GSE1: variants seen among roughly 807,000 people sequenced by gnomAD.
GSE1 encodes Gse1 coiled-coil protein.
In GSE1, 32 loss-of-function variants were observed where a neutral mutation model predicts 112.6. The ratio of observed to expected loss-of-function variants is 0.28; its 90% confidence interval spans 0.21 to 0.38. The LOEUF is 0.38. Ranked by LOEUF, GSE1 falls within the 10% of genes least tolerant of loss-of-function variation. The pLI is 1.00. For synonymous variants in GSE1, 1,115 were observed against 735.6 expected (o/e 1.52, Z -8.35); for missense variants, 2,348 against 1,699.2 (o/e 1.38, Z -6.71).
chr16:85,635,507 T>A (rs1043117302), intron 2 of GSE1, among the ~76,000 whole-genome samples: 4 of 75,100 alleles, frequency 5.3e-5, no homozygotes, highest in Admixed American at 1.1e-4. Context: ...CATCCTGGAC[T>A]CTCTGGGGCG....
At chr16:85,499,124 A>G (rs2051276789) in intron 2 of GSE1, among the ~76,000 whole-genome samples, 2 of 149,726 alleles carry the variant, frequency 1.3e-5, no homozygotes, top group African/African-American at 4.9e-5. Flanking sequence ...GCCCCTTGGT[A>G]TCCCCTGAGT....
chr16:85,467,650 C>T (rs756060972), intron 2 of GSE1, among the ~76,000 whole-genome samples: 1 of 152,158 alleles, frequency 6.6e-6, no homozygotes, highest in Non-Finnish European at 1.5e-5. Context: ...CAAGAGAGGC[C>T]AGTAGAAGCT....
At position 85,331,365 on chromosome 16, in the gene GSE1, G is replaced by GTGTATATGTA. The variant is rs1555563679; in HGVS notation, c.2284-26097_2284-26096insGTATATGTAT. ...TGTGTGTGTGTGTGTGTGTGTGTGT[G>GTGTATATGTA]TATATATGTATATATATGTATATAT... On this transcript the variant is annotated intron_variant, in intron 1 of 2. Coordinates refer to the GSE1 transcript ENST00000637419. 1.6e-4 allele frequency among the ~76,000 whole-genome samples: 16 copies of GTGTATATGTA among 101,144 alleles called. 2 individuals are homozygous for GTGTATATGTA. Among genetic ancestry groups the GTGTATATGTA allele is most frequent in the Middle Eastern group, 5.3e-3 (1 of 190 alleles). 66.4% of individuals were successfully genotyped at this position (101,144 alleles called of 152,430 possible).
chr16:85,384,262 C>G (rs890523351), intron 2 of GSE1, among the ~76,000 whole-genome samples: 5 of 152,178 alleles, frequency 3.3e-5, no homozygotes, highest in Non-Finnish European at 7.4e-5. Flanking sequence ...ACACACGTGC[C>G]TTGCTCTGTG....
chr16:85,670,883 G>A (rs1162213580), intron 14 of GSE1, 112 bp from the exon 15 acceptor site: 4 of 694,768 alleles, frequency 5.8e-6, no homozygotes, highest in Non-Finnish European at 7.9e-6. Context: ...TTCGCTGGCT[G>A]CACTGGAGAG....
intron 1 of GSE1, among the ~76,000 whole-genome samples, chr16:85,241,978 C>G (rs1905205277): frequency 6.6e-6 from 1 of 152,118 alleles, no homozygotes; most frequent in Admixed American, 6.5e-5. Context: ...CAGTTGCTGT[C>G]TGCACCTGGG....
chr16:85,536,223 G>A (rs1285655294), intron 2 of GSE1, among the ~76,000 whole-genome samples: 4 of 152,228 alleles, frequency 2.6e-5, no homozygotes, highest in Admixed American at 2.0e-4. Flanking sequence ...AGTTCTCTCC[G>A]TGGGGCCTCC....
At chr16:85,463,288 G>A (rs928369579) in intron 2 of GSE1, among the ~76,000 whole-genome samples, 1 of 152,188 alleles carries the variant, frequency 6.6e-6, no homozygotes, top group Non-Finnish European at 1.5e-5. Flanking sequence ...CCCCAGCGCC[G>A]CCTCCTCATG....
chr16:85,640,542 T>TC (rs2050356276), intron 2 of GSE1, among the ~76,000 whole-genome samples: 1 of 152,198 alleles, frequency 6.6e-6, no homozygotes, highest in Non-Finnish European at 1.5e-5. Context: ...CCGGTTACTG[T>TC]CCTGTCCCTG....
At chr16:85,546,147 C>G (rs1006477181) in intron 2 of GSE1, among the ~76,000 whole-genome samples, 1 of 147,524 alleles carries the variant, frequency 6.8e-6, no homozygotes, top group African/African-American at 2.5e-5. Context: ...TACAGTGGCC[C>G]GATCTCAGCT....
At chr16:85,469,252 T>TAA (rs58566689) in intron 2 of GSE1, among the ~76,000 whole-genome samples, 1 of 144,840 alleles carries the variant, frequency 6.9e-6, no homozygotes. Flanking sequence ...AAACTCCATC[T>TAA]AAAAAAAAAA....
chr16:85,669,525 CTT>C (rs772905209), intron 14 of GSE1, among the ~76,000 whole-genome samples: 27 of 152,308 alleles, frequency 1.8e-4, no homozygotes, highest in African/African-American at 6.3e-4. Context: ...CCCGTGGAAT[CTT>C]TGAGTTTATT....
chr16:85,276,101 T>C (rs1238132325), intron 1 of GSE1, among the ~76,000 whole-genome samples: 1 of 152,228 alleles, frequency 6.6e-6, no homozygotes, highest in African/African-American at 2.4e-5. Context: ...CTCCCCACTT[T>C]ACAGATGGGG....
At chr16:85,315,078 G>C (rs1334492511) in intron 1 of GSE1, among the ~76,000 whole-genome samples, 1 of 152,208 alleles carries the variant, frequency 6.6e-6, no homozygotes, top group African/African-American at 2.4e-5. Flanking sequence ...ACTTATTTTA[G>C]AAATATTTGG....
intron 2 of GSE1, among the ~76,000 whole-genome samples, chr16:85,640,363 T>C (rs6539965): frequency 0.25 from 37,931 of 152,208 alleles, 5,126 homozygotes; most frequent in Middle Eastern, 0.33. Context: ...CAGCCACCCA[T>C]AGCCCGGCTT....
chr16:85,627,971 G>A (rs2049219645), intron 1 of GSE1, among the ~76,000 whole-genome samples: 1 of 152,208 alleles, frequency 6.6e-6, no homozygotes, highest in South Asian at 2.1e-4. Flanking sequence ...GGGGAGGGCT[G>A]GGGGCTTCGT....
At chr16:85,570,683 C>G (rs556384994) in intron 1 of GSE1, among the ~76,000 whole-genome samples, 3 of 152,228 alleles carry the variant, frequency 2.0e-5, no homozygotes, top group Non-Finnish European at 2.9e-5. Context: ...CTTTGTTCTC[C>G]TTGCCCTGGT....
intron 1 of GSE1, among the ~76,000 whole-genome samples, chr16:85,615,646 T>A (rs866410751): frequency 3.9e-5 from 6 of 152,156 alleles, no homozygotes; most frequent in Admixed American, 1.3e-4. Flanking sequence ...ACAGTGAGGC[T>A]GAGCTCAAAA....
chr16:85,571,808 C>T (rs1226752381), intron 1 of GSE1, among the ~76,000 whole-genome samples: 1 of 152,068 alleles, frequency 6.6e-6, no homozygotes, highest in Non-Finnish European at 1.5e-5. Flanking sequence ...TGGCCAGGCC[C>T]AGGGAGGAGC....
Sources: gnomAD v4.1 joint callset for allele counts (sites outside exome capture counted in the v4.1 genomes callset) on GRCh38, gnomAD v4.1.1 for gene constraint, MANE v1.5 for transcripts, NCBI Gene and HGNC (gene_info 2026-07-23, HGNC 2026-07-21) for gene names.